Variants in GOLGA4 observed in about 807,000 individuals in gnomAD.
GOLGA4 encodes golgin A4.
GOLGA4 carries 169 observed loss-of-function variants against 265.9 expected under a neutral mutation model. The observed-to-expected ratio is 0.64, with a 90% CI of 0.56 to 0.72. The LOEUF (loss-of-function observed/expected upper bound fraction) is 0.72. Among genes scored for constraint, GOLGA4 ranks in the 30% least tolerant of loss-of-function variants. GOLGA4 has a pLI of 0.00. For synonymous variants in GOLGA4, 923 were observed against 855.8 expected, an observed-to-expected ratio of 1.08 and a Z score of -1.37; for missense variants, 2,482 against 2,483.4, an observed-to-expected ratio of 1.00 and a Z score of 0.01.
chr3:37,325,223 G>T lies in GOLGA4; in HGVS notation c.3337G>T (p.Glu1113Ter), dbSNP rs1356427473. 6.2e-7 allele frequency: 1 copy of T among 1,612,548 alleles called. No individual in the cohort carries two copies. Among genetic ancestry groups the T allele is most frequent in the South Asian group, 1.1e-5 (1 of 90,874 alleles). The change falls in exon 14 of 24, where the codon GAA becomes TAA. Residue 1113 changes from glutamate (E) to a stop codon, truncating the protein, a stop_gained. Transcript: ENST00000361924. LOFTEE classifies it high-confidence loss of function. ...KQDTTLNELQ[E>*]QLKQKSAHVN... ...GGATACAACATTAAATGAATTACAG[G>T]AACAGTTAAAGCAGAAGTCTGCCCA...
At position 37,350,250 on chromosome 3, in the gene GOLGA4, T is replaced by C. The variant is rs2097069724; in HGVS notation, c.6576+2954T>C. On this transcript the variant is annotated intron_variant, in intron 21 of 23. Transcript: ENST00000361924. The stretch of plus-strand genomic sequence containing the variant: ...TGGGCTTCTCCATTAAAGTGTTTTC[T>C]GGCAAGCCAGGGATGAGCTTTAACT... Among the ~76,000 whole-genome samples, 2 of 152,198 alleles carry C rather than the reference T, an allele frequency of 1.3e-5. 1 individual carries two copies. Among genetic ancestry groups the C allele is most frequent in the South Asian group, 4.1e-4 (2 of 4,836 alleles).
rs73825076 is a variant in GOLGA4 at position 37,320,534 on chromosome 3, G to A, written c.1546-1197G>A. ...TTTACAGTATGATTGGGTGTCTGTG[G>A]TCATGAAATTTACACATATATGGGC... On this transcript the variant is annotated intron_variant, in intron 12 of 23. Coordinates refer to ENST00000361924, the MANE Select transcript of GOLGA4 (RefSeq NM_002078.5). Among the ~76,000 whole-genome samples the A allele has an allele frequency of 7.1e-3, 1,083 of 152,216 alleles. 15 individuals are homozygous for A. Among genetic ancestry groups the A allele is most frequent in the African/African-American group, 0.024 (1,016 of 41,508 alleles).
intron 19 of GOLGA4, among the ~76,000 whole-genome samples, chr3:37,339,075 G>C (rs995229535): frequency 2.6e-5 from 4 of 151,956 alleles, no homozygotes; most frequent in Non-Finnish European, 5.9e-5. Flanking sequence ...TGTTAGCCAG[G>C]ATGGTTTCGA....
At chr3:37,362,731 T>C (rs1376736498) in intron 23 of GOLGA4, among the ~76,000 whole-genome samples, 3 of 148,838 alleles carry the variant, frequency 2.0e-5, no homozygotes, top group African/African-American at 4.9e-5. Context: ...TTGCATAGGC[T>C]GGTCTCGAAC....
In GOLGA4 at chr3:37,337,142, G is replaced by C; in HGVS notation, c.6307-1G>C. On this transcript the variant is annotated splice_acceptor_variant, in intron 17 of 23. Coordinates refer to ENST00000361924, the MANE Select transcript of GOLGA4 (RefSeq NM_002078.5). LOFTEE classifies it high-confidence loss of function. ...CATGTTTTTTCTTTCCATTTTTTCA[G>C]GTAACAATTATGGAGCTACAGGTAA... is the stretch of plus-strand genomic sequence containing the variant. 2.8e-6 allele frequency: 4 copies of C among 1,450,292 alleles called. No homozygotes were observed. The highest frequency in any genetic ancestry group is 3.8e-6 in the Non-Finnish European group (4 of 1,046,414). The allele number at this position is 1,450,292 out of a possible 1,614,324, so 89.8% of individuals were successfully genotyped here.
At chr3:37,334,637 A>G (rs1169429749) in intron 16 of GOLGA4, among the ~76,000 whole-genome samples, 2 of 152,232 alleles carry the variant, frequency 1.3e-5, no homozygotes, top group Non-Finnish European at 2.9e-5. Flanking sequence ...ATTCCAATAT[A>G]GAAAATGCTG....
intron 10 of GOLGA4, among the ~76,000 whole-genome samples, chr3:37,311,819 A>G (rs950402147): frequency 2.0e-5 from 3 of 152,252 alleles, no homozygotes; most frequent in Admixed American, 1.3e-4. Context: ...ATTCGACTGT[A>G]TATAGAAGAA....
At chr3:37,281,159 A>G (rs1257389725) in intron 2 of GOLGA4, among the ~76,000 whole-genome samples, 1 of 152,192 alleles carries the variant, frequency 6.6e-6, no homozygotes, top group African/African-American at 2.4e-5. Flanking sequence ...GAATTAGGTC[A>G]TATTATTTTT....
At position 37,251,410 on chromosome 3, in the gene GOLGA4, TCAACAC is replaced by T. The variant is rs1560268972; in HGVS notation, c.94_99del (p.Pro32_Thr33del). ...TTAAATCTAGGCGTCCTCCAATTCT[TCAACAC>T]CAACAAGAATGAGGAGCAGGACATC... On this transcript the variant is annotated inframe_deletion, in exon 2 of 24. Transcript: ENST00000361924. 6.2e-7 allele frequency: 1 copy of T among 1,611,716 alleles called. No homozygotes were observed. The highest frequency in any genetic ancestry group is 8.5e-7 in the Non-Finnish European group (1 of 1,177,872).
intron 2 of GOLGA4, among the ~76,000 whole-genome samples, chr3:37,253,612 G>C (rs1221696115): frequency 1.3e-5 from 2 of 152,032 alleles, no homozygotes; most frequent in Non-Finnish European, 2.9e-5. Context: ...AGCTGACTTG[G>C]TCGATTGTAA....
chr3:37,311,775 A>G (rs1231226050), intron 10 of GOLGA4, among the ~76,000 whole-genome samples: 1 of 152,226 alleles, frequency 6.6e-6, no homozygotes, highest in Non-Finnish European at 1.5e-5. Flanking sequence ...TAATAAATTG[A>G]CTTGGACAAA....
chr3:37,364,392 C>T (rs55833649), intron 23 of GOLGA4, among the ~76,000 whole-genome samples: 1,587 of 152,062 alleles, frequency 0.01, 34 homozygotes, highest in African/African-American at 0.036. Context: ...AGGTGCCCGC[C>T]ACCACACCCA....
chr3:37,356,131 CT>C (rs2151072719), intron 22 of GOLGA4, among the ~76,000 whole-genome samples: 1 of 152,248 alleles, frequency 6.6e-6, no homozygotes, highest in Non-Finnish European at 1.5e-5. Context: ...ATCTCCTTCT[CT>C]ACATGATCAC....
intron 15 of GOLGA4, 105 bp downstream of exon 15, chr3:37,328,642 G>A: frequency 9.5e-7 from 1 of 1,057,614 alleles, no homozygotes; most frequent in Non-Finnish European, 1.4e-6. Context: ...ATTAAACTGG[G>A]GAAGAAATAA....
chr3:37,279,221 T>A (rs1051760963), intron 2 of GOLGA4, among the ~76,000 whole-genome samples: 7 of 152,078 alleles, frequency 4.6e-5, no homozygotes, highest in Non-Finnish European at 1.0e-4. Flanking sequence ...AGATTGAACA[T>A]CCCTAATCCA....
chr3:37,333,971 A>G lies in GOLGA4; in HGVS notation c.6193-1082A>G, dbSNP rs561816097. ...TTCTGTTTTTGGTAAGTCAATGTCTATTAAATCAGATACCTGTTTGTGGTT... is the reference window on the plus strand; with the variant it reads ...TTCTGTTTTTGGTAAGTCAATGTCTGTTAAATCAGATACCTGTTTGTGGTT... On this transcript the variant is annotated intron_variant, in intron 16 of 23. Coordinates refer to ENST00000361924, the MANE Select transcript of GOLGA4 (RefSeq NM_002078.5). Among the ~76,000 whole-genome samples, 7 of 152,336 alleles carry G rather than the reference A, an allele frequency of 4.6e-5. No homozygotes were observed. In the East Asian group the frequency reaches 1.2e-3, roughly 25 times the overall value.
intron 2 of GOLGA4, among the ~76,000 whole-genome samples, chr3:37,258,057 G>GTATA (rs1277803439): frequency 2.9e-5 from 2 of 68,902 alleles, no homozygotes; most frequent in African/African-American, 1.2e-4. Context: ...ATATATATAT[G>GTATA]TATGTATATA....
intron 2 of GOLGA4, among the ~76,000 whole-genome samples, chr3:37,252,262 C>A (rs568306105): frequency 1.3e-5 from 2 of 151,716 alleles, no homozygotes; most frequent in Non-Finnish European, 2.9e-5. Flanking sequence ...CTGTCGTGCT[C>A]CCTTTCCCCC....
At chr3:37,363,182 G>A (rs17265928) in intron 23 of GOLGA4, among the ~76,000 whole-genome samples, 55,511 of 151,854 alleles carry the variant, frequency 0.37, 10,720 homozygotes, top group Non-Finnish European at 0.42. Context: ...ATCCAGAACT[G>A]TCTTATTTTT....
Sources: gnomAD v4.1 joint callset for allele counts (sites outside exome capture counted in the v4.1 genomes callset) on GRCh38, gnomAD v4.1.1 for gene constraint, MANE v1.5 for transcripts, NCBI Gene and HGNC (gene_info 2026-07-23, HGNC 2026-07-21) for gene names.